The following RORA variants were observed in gnomAD, a reference collection of about 807,000 sequenced individuals.
RORA encodes RAR related orphan receptor A, also known as nuclear receptor ROR-alpha.
In RORA, 7 loss-of-function variants were observed where a neutral mutation model predicts 69.5. That is an observed-to-expected ratio of 0.10 (90% CI 0.06 to 0.19). The LOEUF (loss-of-function observed/expected upper bound fraction) is 0.19. RORA is among the 10% of genes least tolerant of loss of function. The pLI is 1.00. For synonymous variants in RORA, 261 were observed against 240.8 expected, an observed-to-expected ratio of 1.08 and a Z score of -0.78; for missense variants, 457 against 663.0, an observed-to-expected ratio of 0.69 and a Z score of 3.41.
Position 60,777,137 on chromosome 15 carries a change from C to T in RORA, c.167-98451G>A, listed in dbSNP as rs533066060. ...CTAAAACACCAGGAGCCCTTTAAGA[C>T]GAGCAAAAACAGAGCCAAAATAACT... On this transcript the variant is annotated intron_variant, in intron 1 of 10. Coordinates refer to ENST00000335670, the MANE Select transcript of RORA (RefSeq NM_134261.3). 3.9e-5 allele frequency among the ~76,000 whole-genome samples: 6 copies of T among 152,272 alleles called. No homozygotes were observed. In the East Asian group the frequency reaches 9.7e-4, roughly 24 times the overall value.
chr15:61,224,789 C>T (rs1365937311), intron 1 of RORA, among the ~76,000 whole-genome samples: 1 of 152,200 alleles, frequency 6.6e-6, no homozygotes, highest in Admixed American at 6.5e-5. Flanking sequence ...CATTCTCACG[C>T]CTCCCTGTGT....
chr15:60,776,439 G>A (rs1045556327), intron 1 of RORA, among the ~76,000 whole-genome samples: 3 of 152,226 alleles, frequency 2.0e-5, no homozygotes. Flanking sequence ...GGGAGCAAAG[G>A]CCTGGGAGGC....
intron 1 of RORA, among the ~76,000 whole-genome samples, chr15:60,866,115 C>A (rs1595776974): frequency 6.6e-6 from 1 of 152,248 alleles, no homozygotes; most frequent in Admixed American, 6.5e-5. Flanking sequence ...ACTATAGTCA[C>A]CCCTATTGTG....
At chr15:60,620,882 C>T (rs374291821) in intron 2 of RORA, among the ~76,000 whole-genome samples, 28 of 152,326 alleles carry the variant, frequency 1.8e-4, no homozygotes, top group African/African-American at 6.0e-4. Flanking sequence ...AGAGCCGGCA[C>T]GGAAAGTTAC....
At chr15:60,868,493 T>C (rs2073515065) in intron 1 of RORA, among the ~76,000 whole-genome samples, 1 of 152,188 alleles carries the variant, frequency 6.6e-6, no homozygotes, top group African/African-American at 2.4e-5. Flanking sequence ...CCAAACCTGA[T>C]GGTTCTGTTG....
At chr15:60,645,290 G>T (rs557394551) in intron 2 of RORA, among the ~76,000 whole-genome samples, 2 of 152,028 alleles carry the variant, frequency 1.3e-5, no homozygotes, top group Admixed American at 6.6e-5. Context: ...AGAGAGAGAA[G>T]ATGGATGAGA....
At chr15:61,059,680 T>G (rs1340681918) in intron 1 of RORA, among the ~76,000 whole-genome samples, 1 of 152,040 alleles carries the variant, frequency 6.6e-6, no homozygotes, top group Non-Finnish European at 1.5e-5. Context: ...AGATTCTTCT[T>G]CTCAATTTTT....
chr15:60,494,548 A>G lies in RORA; in HGVS notation c.*2907T>C, dbSNP rs1350596858. Reference sequence around the variant, plus strand: ...TAATAATGAAGAAAGGAAAATGCAAAGTTTTTCACATCCTTTTCTGAGCTC... The same window carrying G: ...TAATAATGAAGAAAGGAAAATGCAAGGTTTTTCACATCCTTTTCTGAGCTC... On this transcript the variant is annotated 3_prime_UTR_variant, in exon 11 of 11. Transcript: ENST00000335670. 2.0e-5 allele frequency: 3 copies of G among 151,956 alleles called. No individual in the cohort carries two copies. The highest frequency in any genetic ancestry group is 7.3e-5 in the African/African-American group (3 of 41,350). 9.4% of individuals were successfully genotyped at this position (151,956 alleles called of 1,614,324 possible). A position where few individuals can be genotyped will look rare whatever the true frequency, so the allele number is the denominator to read the frequency against.
chr15:60,938,573 A>C lies in RORA; in HGVS notation c.167-259887T>G, dbSNP rs1488579802. 2.6e-5 allele frequency among the ~76,000 whole-genome samples: 4 copies of C among 152,024 alleles called. No individual in the cohort carries two copies. The East Asian group carries it at 7.7e-4, about 29-fold the overall frequency. ...TAGAAGGTAATGTGGCATTAATGCT[A>C]CTCACTCTACACCCTGGATACAGGT... On this transcript the variant is annotated intron_variant, in intron 1 of 10. Transcript: ENST00000335670.
chr15:60,749,503 A>C (rs2071693493), intron 1 of RORA, among the ~76,000 whole-genome samples: 1 of 152,238 alleles, frequency 6.6e-6, no homozygotes, highest in Admixed American at 6.5e-5. Flanking sequence ...ACTAGCTAAG[A>C]GAGGGAGAAT....
At chr15:61,186,298 T>A (rs931123720) in intron 1 of RORA, among the ~76,000 whole-genome samples, 5 of 152,086 alleles carry the variant, frequency 3.3e-5, no homozygotes, top group Admixed American at 1.3e-4. Context: ...ATCCCTGTAA[T>A]TCTAAGACCC....
At position 60,636,565 on chromosome 15, in the gene RORA, T is replaced by C. The variant is rs78746013; in HGVS notation, c.196+42092A>G. Among the ~76,000 whole-genome samples, 915 of 152,312 alleles carry C rather than the reference T, an allele frequency of 6.0e-3. 29 individuals carry two copies. In the East Asian group the frequency reaches 0.088, roughly 15 times the overall value. On this transcript the variant is annotated intron_variant, in intron 2 of 10. Transcript: ENST00000335670. Reference sequence around the variant, plus strand: ...TATCCCTACTAACCAGTACAAGACATAGATTTCTGAAGGAAAAGGATGCCT... The same window carrying C: ...TATCCCTACTAACCAGTACAAGACACAGATTTCTGAAGGAAAAGGATGCCT...
intron 1 of RORA, among the ~76,000 whole-genome samples, chr15:60,818,707 T>A (rs1045665205): frequency 3.3e-5 from 5 of 152,246 alleles, no homozygotes; most frequent in African/African-American, 1.2e-4. Flanking sequence ...TGCTTTTGCA[T>A]GAAAGATTAA....
At chr15:60,726,010 A>G (rs1274174527) in intron 1 of RORA, among the ~76,000 whole-genome samples, 2 of 152,156 alleles carry the variant, frequency 1.3e-5, no homozygotes, top group African/African-American at 2.4e-5. Context: ...CACCACATCA[A>G]CTAGGTACCA....
rs75606579 is a variant in RORA at position 61,005,704 on chromosome 15, C to T, written c.166+223349G>A. Among the ~76,000 whole-genome samples the T allele has an allele frequency of 9.3e-3, 1,409 of 152,292 alleles. 26 individuals are homozygous for T. Among genetic ancestry groups the T allele is most frequent in the African/African-American group, 0.032 (1,314 of 41,552 alleles). Reference sequence around the variant, plus strand: ...TTGCATTACTTAACACTCACAACAACACAATAAAGTATACACTATTATTGT... The same window carrying T: ...TTGCATTACTTAACACTCACAACAATACAATAAAGTATACACTATTATTGT... On this transcript the variant is annotated intron_variant, in intron 1 of 10. Transcript: ENST00000335670.
chr15:60,824,787 CT>C (rs1217570501), intron 1 of RORA, among the ~76,000 whole-genome samples: 1 of 152,218 alleles, frequency 6.6e-6, no homozygotes, highest in African/African-American at 2.4e-5. Context: ...CTAATCTCAA[CT>C]CACACCCATG....
intron 1 of RORA, among the ~76,000 whole-genome samples, chr15:61,137,097 A>AAGAAAGAAAGAAAGAGAGAG (rs1555414105): frequency 6.0e-5 from 9 of 149,900 alleles, no homozygotes; most frequent in African/African-American, 2.3e-4. Flanking sequence ...GAAAGAAAGA[A>AAGAAAGAAAGAAAGAGAGAG]AGAAAAAAGC....
chr15:61,047,103 T>C (rs2140488760), intron 1 of RORA, among the ~76,000 whole-genome samples: 1 of 152,342 alleles, frequency 6.6e-6, no homozygotes, highest in African/African-American at 2.4e-5. Flanking sequence ...TCTCTCTTTT[T>C]ATTCTAGAAG....
intron 2 of RORA, among the ~76,000 whole-genome samples, chr15:60,642,753 G>A (rs2069965710): frequency 6.6e-6 from 1 of 152,176 alleles, no homozygotes; most frequent in Non-Finnish European, 1.5e-5. Flanking sequence ...TGTGGTAGTG[G>A]CATGCCAGTA....
Sources: allele counts gnomAD v4.1 joint callset (sites outside exome capture counted in the v4.1 genomes callset), GRCh38; gene constraint gnomAD v4.1.1; transcripts MANE v1.5; gene names NCBI Gene and HGNC (gene_info 2026-07-23, HGNC 2026-07-21).